The following IKZF3 variants were observed in gnomAD, a reference collection of about 807,000 sequenced individuals.
IKZF3 encodes the protein IKAROS family zinc finger 3, also known as zinc finger protein Aiolos.
A neutral mutation model predicts 49.0 loss-of-function variants in IKZF3; 10 were observed. That is an observed-to-expected ratio of 0.20 (90% CI 0.13 to 0.35). The LOEUF is 0.35. Ranked by LOEUF, IKZF3 falls within the 10% of genes least tolerant of loss-of-function variation. The pLI is 1.00. For synonymous variants in IKZF3, 209 were observed against 228.2 expected (o/e 0.92, Z 0.76); for missense variants, 498 against 664.8 (o/e 0.75, Z 2.76).
At chr17:39,801,867 G>A (rs2061326115) in intron 3 of IKZF3, among the ~76,000 whole-genome samples, 1 of 151,994 alleles carries the variant, frequency 6.6e-6, no homozygotes, top group African/African-American at 2.4e-5. Flanking sequence ...ATGGACGTCT[G>A]TTAATTTTGA....
At chr17:39,827,149 C>T (rs564652029) in intron 3 of IKZF3, among the ~76,000 whole-genome samples, 32 of 152,224 alleles carry the variant, frequency 2.1e-4, no homozygotes, top group South Asian at 6.2e-4. Flanking sequence ...ACGTGAGTAC[C>T]GCCACACCTG....
At chr17:39,796,245 A>G (rs981175700) in intron 3 of IKZF3, among the ~76,000 whole-genome samples, 1 of 152,284 alleles carries the variant, frequency 6.6e-6, no homozygotes, top group Admixed American at 6.5e-5. Context: ...GAAAAATTCT[A>G]TTAGAAAATA....
rs778371145 is a variant in IKZF3, at chr17:39,788,293, C to A, written c.674G>T (p.Arg225Leu). ...TGGGTCAGTGCTCTGAAGAAATGTA[C>A]GGCAGCGCTCCTTGTGCTCCTCAAG... ...SSLEEHKERCRTFLQSTDPGD... is the reference protein window; with the variant it reads ...SSLEEHKERCLTFLQSTDPGD... The change falls in exon 6 of 8, where the codon CGT becomes CTT. Residue 225 changes from arginine to leucine, a missense_variant. Coordinates refer to ENST00000346872, the MANE Select transcript of IKZF3 (RefSeq NM_012481.5). 6.2e-7 allele frequency: 1 copy of A among 1,613,516 alleles called. No individual in the cohort carries two copies. Among genetic ancestry groups the A allele is most frequent in the South Asian group, 1.1e-5 (1 of 91,062 alleles).
rs889412008 is a variant in IKZF3, at chr17:39,761,609, A to T, written c.*4181T>A. Reference sequence around the variant, plus strand: ...AAAATAAAAATAAATTAAAAAATTAAAAAACACCTGGAGCACTGGTTCTGT... The same window carrying T: ...AAAATAAAAATAAATTAAAAAATTATAAAACACCTGGAGCACTGGTTCTGT... On this transcript the variant is annotated 3_prime_UTR_variant, in exon 8 of 8. Transcript: ENST00000346872. The T allele has an allele frequency of 1.3e-5, 2 of 151,686 alleles. No homozygotes were observed. The highest frequency in any genetic ancestry group is 3.0e-5 in the Non-Finnish European group (2 of 67,718). 9.4% of individuals were successfully genotyped at this position (151,686 alleles called of 1,614,324 possible). A position where few individuals can be genotyped will look rare whatever the true frequency, so the allele number is the denominator to read the frequency against.
At chr17:39,817,723 T>G (rs533864709) in intron 3 of IKZF3, among the ~76,000 whole-genome samples, 1 of 152,238 alleles carries the variant, frequency 6.6e-6, no homozygotes, top group Non-Finnish European at 1.5e-5. Flanking sequence ...TAATTTAGCA[T>G]GTATAATTTA....
At chr17:39,848,046 C>T (rs2062685282) in intron 1 of IKZF3, among the ~76,000 whole-genome samples, 1 of 152,142 alleles carries the variant, frequency 6.6e-6, no homozygotes, top group African/African-American at 2.4e-5. Flanking sequence ...CAAAGACATG[C>T]ATTAAAGTGA....
chr17:39,848,765 G>C (rs915246061), intron 1 of IKZF3, among the ~76,000 whole-genome samples: 3 of 152,116 alleles, frequency 2.0e-5, no homozygotes, highest in Non-Finnish European at 4.4e-5. Flanking sequence ...CTGCAGCCCG[G>C]AACTCCTGGG....
At chr17:39,819,919 C>T (rs1209490680) in intron 3 of IKZF3, among the ~76,000 whole-genome samples, 1 of 152,170 alleles carries the variant, frequency 6.6e-6, no homozygotes, top group African/African-American at 2.4e-5. Context: ...AATCCGCCCA[C>T]CTTGGCCTCT....
Position 39,829,425 on chromosome 17 carries a change from C to T in IKZF3, c.125G>A (p.Ser42Asn). The T allele has an allele frequency of 6.2e-7, 1 of 1,614,084 alleles. No homozygotes were observed. Among genetic ancestry groups the T allele is most frequent in the Non-Finnish European group, 8.5e-7 (1 of 1,179,926 alleles). The change falls in exon 3 of 8, where the codon AGT (serine) becomes AAT (asparagine). Residue 42 changes from serine to asparagine, a missense_variant. Ser to Asn is a conservative substitution (Grantham distance 46). Around this residue, in one of 3 missense-constraint regions of IKZF3, gnomAD observed 97 missense variants for 98.9 expected, o/e 0.98. Coordinates refer to ENST00000346872, the MANE Select transcript of IKZF3 (RefSeq NM_012481.5). The stretch of plus-strand genomic sequence containing the variant: ...ATCTTCATTGGCTGGGCCTTCTCCA[C>T]TGTCCACATTTTCCATTTCATGAGA... ...TKSHEMENVD[S>N]GEGPANEDED...
rs1269505580 is a variant in IKZF3 at position 39,829,430 on chromosome 17, C to T, written c.120G>A (p.Val40=). ...CATTGGCTGGGCCTTCTCCACTGTC[C>T]ACATTTTCCATTTCATGAGATTTGG... ...SLTKSHEMEN[V]DSGEGPANED... is the part of the protein sequence containing the mutation. The change falls in exon 3 of 8, where the codon GTG becomes GTA. Residue 40 remains valine (V), a synonymous_variant. Transcript: ENST00000346872. The T allele has an allele frequency of 1.2e-6, 2 of 1,614,068 alleles. No homozygotes were observed. The highest frequency in any genetic ancestry group is 2.2e-5 in the South Asian group (2 of 91,076).
intron 3 of IKZF3, among the ~76,000 whole-genome samples, chr17:39,802,203 CAG>C (rs1204246207): frequency 9.7e-6 from 1 of 102,890 alleles, no homozygotes; most frequent in Non-Finnish European, 1.7e-5. Flanking sequence ...GCCTGGGTGA[CAG>C]AGTGAGACTC....
In IKZF3 at chr17:39,798,158, C is replaced by T. The variant is rs77728462; in HGVS notation, c.164-5225G>A. On this transcript the variant is annotated intron_variant, in intron 3 of 7. Coordinates refer to ENST00000346872, the MANE Select transcript of IKZF3 (RefSeq NM_012481.5). ...ATTCTCAGACCCTATGACTTTCCCA[C>T]GATCTACTTATTGCTGTAGCCCCCG... Among the ~76,000 whole-genome samples the T allele has an allele frequency of 6.2e-3, 945 of 152,278 alleles. 9 individuals are homozygous for T. The highest frequency in any genetic ancestry group is 0.021 in the African/African-American group (875 of 41,552).
chr17:39,765,799 C>G lies in IKZF3; in HGVS notation c.1521G>C (p.Leu507=). Reference sequence around the variant, plus strand: ...CCCTGAGACCAGATATTCACTTCAGCAGGGCTCTGTGTTCTCCTCTGGCTA... The same window carrying G: ...CCCTGAGACCAGATATTCACTTCAGGAGGGCTCTGTGTTCTCCTCTGGCTA... ...SHIARGEHRA[L]LK Residue 507 remains leucine (L), a synonymous_variant, in exon 8 of 8, where the codon CTG becomes CTC. Coordinates refer to ENST00000346872, the MANE Select transcript of IKZF3 (RefSeq NM_012481.5). The G allele has an allele frequency of 1.3e-6, 2 of 1,598,538 alleles. No individual in the cohort carries two copies. The highest frequency in any genetic ancestry group is 1.7e-6 in the Non-Finnish European group (2 of 1,168,356).
At chr17:39,784,524 C>T (rs1166164605) in intron 6 of IKZF3, among the ~76,000 whole-genome samples, 2 of 152,128 alleles carry the variant, frequency 1.3e-5, no homozygotes, top group African/African-American at 2.4e-5. Context: ...CTGCCTCAGC[C>T]TCCTGAGTAG....
Position 39,760,202 on chromosome 17 carries a change from G to C in IKZF3, c.*5588C>G, listed in dbSNP as rs987292529. 6.1e-5 allele frequency: 9 copies of C among 147,122 alleles called. No homozygotes were observed. Among genetic ancestry groups the C allele is most frequent in the Admixed American group, 4.1e-4 (6 of 14,782 alleles). The allele number at this position is 147,122 out of a possible 1,614,324, so 9.1% of individuals were successfully genotyped here. A position where few individuals can be genotyped will look rare whatever the true frequency, so the allele number is the denominator to read the frequency against. ...GATGGAGTCTCACTCTGTTGTCCAG[G>C]CTGGATTGCAATGGCGCGATCTCGG... On this transcript the variant is annotated 3_prime_UTR_variant, in exon 8 of 8. Coordinates refer to ENST00000346872, the MANE Select transcript of IKZF3 (RefSeq NM_012481.5).
chr17:39,817,770 G>A (rs1028636188), intron 3 of IKZF3, among the ~76,000 whole-genome samples: 1 of 151,976 alleles, frequency 6.6e-6, no homozygotes, highest in African/African-American at 2.4e-5. Flanking sequence ...ATAAAAGCAG[G>A]GTCCTGGTAA....
intron 1 of IKZF3, among the ~76,000 whole-genome samples, chr17:39,840,963 G>A (rs1288694872): frequency 2.6e-5 from 4 of 152,142 alleles, no homozygotes; most frequent in Non-Finnish European, 5.9e-5. Context: ...GGTTGCTTGA[G>A]CCCAGGAGTT....
rs138745067 is a variant in IKZF3, at chr17:39,763,433, A to C, written c.*2357T>G. On this transcript the variant is annotated 3_prime_UTR_variant, in exon 8 of 8. Transcript: ENST00000346872. ...TTAAGCTGACTCTTAATTTGTAAAT[A>C]GGCTCCATGAAGTTGTCCCTGGAAG... 2.0e-4 allele frequency: 31 copies of C among 152,346 alleles called. No individual in the cohort carries two copies. The highest frequency in any genetic ancestry group is 6.7e-4 in the African/African-American group (28 of 41,578). The allele number at this position is 152,346 out of a possible 1,614,324, so 9.4% of individuals were successfully genotyped here. A position where few individuals can be genotyped will look rare whatever the true frequency, so the allele number is the denominator to read the frequency against.
intron 3 of IKZF3, among the ~76,000 whole-genome samples, chr17:39,810,534 T>C (rs768043194): frequency 6.6e-6 from 1 of 151,570 alleles, no homozygotes; most frequent in Non-Finnish European, 1.5e-5. Context: ...TCCATTTCAC[T>C]ACCCCCATGG....
Sources: gnomAD v4.1 joint callset for allele counts (sites outside exome capture counted in the v4.1 genomes callset) on GRCh38, gnomAD v4.1.1 for gene constraint, gnomAD v4.1.1 regional missense constraint, MANE v1.5 for transcripts, NCBI Gene and HGNC (gene_info 2026-07-23, HGNC 2026-07-21) for gene names.